Variants in NRXN3 observed in about 807,000 individuals in gnomAD.
NRXN3 encodes neurexin 3, also known as neurexin III.
In NRXN3, 32 loss-of-function variants were observed where a neutral mutation model predicts 137.6. The observed-to-expected ratio is 0.23, with a 90% confidence interval of 0.18 to 0.31. NRXN3 has a LOEUF of 0.31. NRXN3 is among the 10% of genes least tolerant of loss of function. The pLI is 1.00. For missense variants in NRXN3, 1,574 were observed against 2,062.5 expected, an observed-to-expected ratio of 0.76 and a Z score of 4.59; for synonymous variants, 798 against 784.5, an observed-to-expected ratio of 1.02 and a Z score of -0.29.
At chr14:78,926,789 T>TAAA (rs1239315976) in intron 10 of NRXN3, among the ~76,000 whole-genome samples, 6 of 26,128 alleles carry the variant, frequency 2.3e-4, no homozygotes, top group East Asian at 2.5e-3. Context: ...ATAAAATATA[T>TAAA]TATATATTAT....
chr14:79,257,653 C>G (rs2076977314), intron 15 of NRXN3, among the ~76,000 whole-genome samples: 1 of 144,818 alleles, frequency 6.9e-6, no homozygotes, highest in Non-Finnish European at 1.5e-5. Context: ...CTCACAGAAA[C>G]TTTTATCAGC....
intron 15 of NRXN3, among the ~76,000 whole-genome samples, chr14:79,273,207 G>A (rs897872014): frequency 5.4e-4 from 81 of 149,428 alleles, no homozygotes; most frequent in African/African-American, 2.0e-3. Context: ...AAAATGGGTG[G>A]GAGGGAGGGT....
intron 10 of NRXN3, among the ~76,000 whole-genome samples, chr14:78,852,720 A>G (rs1808354311): frequency 1.3e-5 from 2 of 152,210 alleles, no homozygotes; most frequent in South Asian, 4.1e-4. Flanking sequence ...TTATTAAGTT[A>G]TTATAACTTA....
chr14:79,407,371 C>G (rs1599832867), intron 15 of NRXN3, among the ~76,000 whole-genome samples: 1 of 152,064 alleles, frequency 6.6e-6, no homozygotes, highest in East Asian at 1.9e-4. Context: ...GGATTCCTCC[C>G]TTCATCATGC....
chr14:79,758,051 T>G (rs1054942827), intron 19 of NRXN3, among the ~76,000 whole-genome samples: 2 of 152,192 alleles, frequency 1.3e-5, no homozygotes, highest in African/African-American at 4.8e-5. Flanking sequence ...ATTTGCTAGT[T>G]TTTTTGTTTA....
At chr14:79,658,941 G>A (rs7147204) in intron 16 of NRXN3, among the ~76,000 whole-genome samples, 4,867 of 152,266 alleles carry the variant, frequency 0.032, 235 homozygotes, top group African/African-American at 0.11. Context: ...TGGAATGAAC[G>A]AAGAGATAGC....
At chr14:79,745,957 C>T (rs540092889) in intron 19 of NRXN3, among the ~76,000 whole-genome samples, 3 of 152,280 alleles carry the variant, frequency 2.0e-5, no homozygotes, top group Admixed American at 6.5e-5. Flanking sequence ...TCTCACTCAA[C>T]TCCAGTATGA....
At chr14:79,157,416 A>T (rs2060350362) in intron 15 of NRXN3, among the ~76,000 whole-genome samples, 1 of 151,778 alleles carries the variant, frequency 6.6e-6, no homozygotes, top group Non-Finnish European at 1.5e-5. Flanking sequence ...AAATGGACAA[A>T]GCTGGGATTG....
At chr14:78,267,089 A>C (rs757751971) in intron 2 of NRXN3, among the ~76,000 whole-genome samples, 4 of 152,216 alleles carry the variant, frequency 2.6e-5, no homozygotes, top group Non-Finnish European at 5.9e-5. Flanking sequence ...GTCTAGCTTC[A>C]AACTCTTTCT....
In NRXN3 at chr14:79,066,932, T is replaced by G. The variant is rs894568386; in HGVS notation, c.3262+78791T>G. ...TGCAAACAAAGATAATTTGACTCCC[T>G]CTCTTTTTATTCAAATACCTTTTAT... On this transcript the variant is annotated intron_variant, in intron 15 of 20. Coordinates refer to ENST00000335750, the MANE Select transcript of NRXN3 (RefSeq NM_001330195.2). Among the ~76,000 whole-genome samples the G allele has an allele frequency of 2.0e-5, 3 of 152,272 alleles. No individual in the cohort carries two copies. The East Asian group carries it at 5.8e-4, about 29-fold the overall frequency.
Position 79,357,982 on chromosome 14 carries a change from A to G in NRXN3, c.3263-109239A>G, listed in dbSNP as rs1466941457. On this transcript the variant is annotated intron_variant, in intron 15 of 20. Transcript: ENST00000335750. ...CTAGGAAGGGCTGGAGGTTAGTAAC[A>G]TCAAGCAGTGGGCTTTCAAGTTAGT... Among the ~76,000 whole-genome samples, 3 of 152,172 alleles carry G rather than the reference A, an allele frequency of 2.0e-5. No homozygotes were observed. In the East Asian group the frequency reaches 5.8e-4, roughly 29 times the overall value.
chr14:79,491,723 G>C (rs2096719403), intron 16 of NRXN3, among the ~76,000 whole-genome samples: 1 of 152,156 alleles, frequency 6.6e-6, no homozygotes, highest in South Asian at 2.1e-4. Context: ...ATGCCAATGA[G>C]CATGATGGAC....
chr14:79,748,594 C>T (rs1458044160), intron 19 of NRXN3, among the ~76,000 whole-genome samples: 1 of 152,070 alleles, frequency 6.6e-6, no homozygotes, highest in African/African-American at 2.4e-5. Flanking sequence ...ATGGACGATG[C>T]ATTTGAAGCC....
At chr14:78,341,109 T>C (rs1209956650) in intron 4 of NRXN3, among the ~76,000 whole-genome samples, 1 of 152,092 alleles carries the variant, frequency 6.6e-6, no homozygotes, top group African/African-American at 2.4e-5. Context: ...AACTGGACAG[T>C]TTGTATTTTA....
At chr14:78,687,019 T>C (rs532690474) in intron 6 of NRXN3, among the ~76,000 whole-genome samples, 1 of 152,148 alleles carries the variant, frequency 6.6e-6, no homozygotes, top group South Asian at 2.1e-4. Flanking sequence ...TAAAGCACAA[T>C]GAGGGAGAAG....
intron 15 of NRXN3, among the ~76,000 whole-genome samples, chr14:79,124,651 C>T (rs1415112357): frequency 1.3e-5 from 2 of 152,088 alleles, no homozygotes; most frequent in Non-Finnish European, 2.9e-5. Flanking sequence ...GTGGGACTTC[C>T]CCAGGCAAAC....
chr14:78,938,885 C>T (rs1342356305), intron 10 of NRXN3, among the ~76,000 whole-genome samples: 1 of 136,162 alleles, frequency 7.3e-6, no homozygotes, highest in Non-Finnish European at 1.5e-5. Flanking sequence ...CTCGCTGTCG[C>T]CCAGGCTGGA....
chr14:79,831,047 A>T (rs958060877), intron 20 of NRXN3, among the ~76,000 whole-genome samples: 42 of 144,330 alleles, frequency 2.9e-4, no homozygotes, highest in Admixed American at 1.0e-3. Context: ...TGAGGTCTTT[A>T]AAGATCGACA....
rs78112630 is a variant in NRXN3 at position 79,100,190 on chromosome 14, A to C, written c.3262+112049A>C. Among the ~76,000 whole-genome samples the C allele has an allele frequency of 6.9e-3, 1,057 of 152,310 alleles. 15 individuals are homozygous for C. Among genetic ancestry groups the C allele is most frequent in the African/African-American group, 0.025 (1,028 of 41,576 alleles). On this transcript the variant is annotated intron_variant, in intron 15 of 20. Coordinates refer to ENST00000335750, the MANE Select transcript of NRXN3 (RefSeq NM_001330195.2). ...AATAAAGGAGAGCCTTTTCATTGAA[A>C]TAGACCTCTGAATCTGTTTTAGCGA...
Sources: gnomAD v4.1 joint callset for allele counts (sites outside exome capture counted in the v4.1 genomes callset) on GRCh38, gnomAD v4.1.1 for gene constraint, MANE v1.5 for transcripts, NCBI Gene and HGNC (gene_info 2026-07-23, HGNC 2026-07-21) for gene names.